ZC2HC1A: variants seen among roughly 807,000 people sequenced by gnomAD.
The protein encoded by ZC2HC1A is zinc finger C2HC domain-containing protein 1A.
ZC2HC1A carries 28 observed loss-of-function variants against 40.7 expected under a neutral mutation model. The ratio of observed to expected loss-of-function variants is 0.69; its 90% CI spans 0.51 to 0.94. The LOEUF (loss-of-function observed/expected upper bound fraction) is 0.94. Among genes scored for constraint, ZC2HC1A ranks in the 40% least tolerant of loss-of-function variants. The pLI, the probability that ZC2HC1A is intolerant of heterozygous loss-of-function variation, is 0.00. For missense variants in ZC2HC1A, 389 were observed against 386.3 expected, an observed-to-expected ratio of 1.01 and a Z score of -0.06; for synonymous variants, 129 against 129.2, an observed-to-expected ratio of 1.00 and a Z score of 0.01.
intron 7 of ZC2HC1A, among the ~76,000 whole-genome samples, chr8:78,703,595 G>A (rs1381706355): frequency 1.4e-5 from 2 of 147,280 alleles, no homozygotes; most frequent in Non-Finnish European, 1.5e-5. Flanking sequence ...GAAATTAGGA[G>A]TACAACCCCT....
At chr8:78,683,449 C>T (rs1452466850) in intron 3 of ZC2HC1A, among the ~76,000 whole-genome samples, 1 of 152,224 alleles carries the variant, frequency 6.6e-6, no homozygotes, top group African/African-American at 2.4e-5. Flanking sequence ...TTTGGGCTTG[C>T]ACCTCTGAAG....
chr8:78,690,194 A>G (rs1182860580), intron 5 of ZC2HC1A, among the ~76,000 whole-genome samples: 5 of 152,002 alleles, frequency 3.3e-5, no homozygotes, highest in Non-Finnish European at 5.9e-5. Context: ...CATTATCACT[A>G]TACTGAATAG....
chr8:78,704,156 C>T (rs964104050), intron 7 of ZC2HC1A, among the ~76,000 whole-genome samples: 16 of 151,858 alleles, frequency 1.1e-4, no homozygotes, highest in Admixed American at 3.3e-4. Flanking sequence ...CCGAGGCGAG[C>T]GGATCACCTG....
chr8:78,684,479 C>T (rs1809893422), intron 3 of ZC2HC1A, among the ~76,000 whole-genome samples: 1 of 152,100 alleles, frequency 6.6e-6, no homozygotes, highest in South Asian at 2.1e-4. Context: ...CCGAGTACCC[C>T]CATAACAGGT....
chr8:78,696,607 C>T (rs1339565767), intron 5 of ZC2HC1A, among the ~76,000 whole-genome samples: 2 of 152,078 alleles, frequency 1.3e-5, no homozygotes, highest in Non-Finnish European at 2.9e-5. Flanking sequence ...AAAGATGTCT[C>T]TTTAGAGGAG....
chr8:78,671,716 AAGG>A (rs941303101), intron 1 of ZC2HC1A, among the ~76,000 whole-genome samples: 16 of 152,246 alleles, frequency 1.1e-4, no homozygotes, highest in Admixed American at 7.8e-4. Context: ...CTTCTCTAAC[AAGG>A]AGTTCTTTGC....
intron 1 of ZC2HC1A, among the ~76,000 whole-genome samples, chr8:78,672,023 T>C (rs1161557511): frequency 6.6e-6 from 1 of 152,134 alleles, no homozygotes; most frequent in Non-Finnish European, 1.5e-5. Flanking sequence ...CTTAGAGAGC[T>C]TAAGTATCTT....
At chr8:78,687,015 A>G (rs1810003193) in intron 4 of ZC2HC1A, among the ~76,000 whole-genome samples, 1 of 152,120 alleles carries the variant, frequency 6.6e-6, no homozygotes, top group African/African-American at 2.4e-5. Context: ...AAAAAATCAT[A>G]ATTTTCCTAA....
chr8:78,698,042 G>C lies in ZC2HC1A; in HGVS notation c.605-372G>C, dbSNP rs1810487766. On this transcript the variant is annotated intron_variant, in intron 6 of 8. Transcript: ENST00000263849. ...CCAGATGTTGTTATTGATGTCATCT[G>C]TTCAGAATAGTCAGCCCAGTACTTC... 2.0e-5 allele frequency among the ~76,000 whole-genome samples: 3 copies of C among 152,184 alleles called. No homozygotes were observed. The South Asian group carries it at 6.2e-4, about 32-fold the overall frequency.
Position 78,719,599 on chromosome 8 carries a change from T to C in ZC2HC1A, c.*2106T>C, listed in dbSNP as rs1811200930. Reference sequence around the variant, plus strand: ...ACAGTATGGTAGAATAAAAGATGATTGTAAGATTAAAAATGTAAAAATTGC... The same window carrying C: ...ACAGTATGGTAGAATAAAAGATGATCGTAAGATTAAAAATGTAAAAATTGC... On this transcript the variant is annotated 3_prime_UTR_variant, in exon 9 of 9. Transcript: ENST00000263849. 2 of 151,802 alleles carry C rather than the reference T, an allele frequency of 1.3e-5. No individual in the cohort carries two copies. The highest frequency in any genetic ancestry group is 1.3e-4 in the Admixed American group (2 of 15,256). The allele number at this position is 151,802 out of a possible 1,614,324, so 9.4% of individuals were successfully genotyped here. A position where few individuals can be genotyped will look rare whatever the true frequency, so the allele number is the denominator to read the frequency against.
At chr8:78,700,687 G>A (rs1292450258) in intron 7 of ZC2HC1A, among the ~76,000 whole-genome samples, 1 of 152,098 alleles carries the variant, frequency 6.6e-6, no homozygotes, top group East Asian at 1.9e-4. Context: ...TGTATATGGT[G>A]GAAGGAAGGG....
At chr8:78,696,227 G>A in intron 5 of ZC2HC1A, among the ~76,000 whole-genome samples, 1 of 151,992 alleles carries the variant, frequency 6.6e-6, no homozygotes, top group Non-Finnish European at 1.5e-5. Flanking sequence ...GTAGAGACGG[G>A]GTTTCACTGT....
intron 4 of ZC2HC1A, among the ~76,000 whole-genome samples, chr8:78,687,805 C>T (rs1810061795): frequency 1.1e-4 from 14 of 131,070 alleles, no homozygotes; most frequent in African/African-American, 2.8e-4. Flanking sequence ...TATATATATT[C>T]ATGTAATAAA....
chr8:78,713,184 G>T (rs1332511642), intron 7 of ZC2HC1A, among the ~76,000 whole-genome samples: 1 of 152,092 alleles, frequency 6.6e-6, no homozygotes, highest in Non-Finnish European at 1.5e-5. Context: ...CAGAGTAAGA[G>T]TAATGCTTTG....
intron 3 of ZC2HC1A, 106 bp from the exon 4 acceptor site, chr8:78,686,361 A>C (rs981568536): frequency 4.0e-6 from 4 of 989,598 alleles, no homozygotes; most frequent in Non-Finnish European, 4.0e-6. Context: ...AGGACTCCTG[A>C]TAAGAGAACA....
chr8:78,705,641 G>T (rs1810748802), intron 7 of ZC2HC1A, among the ~76,000 whole-genome samples: 1 of 152,044 alleles, frequency 6.6e-6, no homozygotes, highest in South Asian at 2.1e-4. Flanking sequence ...CCACCTCTGG[G>T]TCGGCATGGG....
At chr8:78,682,657 A>G (rs1192860633) in intron 3 of ZC2HC1A, among the ~76,000 whole-genome samples, 1 of 152,162 alleles carries the variant, frequency 6.6e-6, no homozygotes, top group Non-Finnish European at 1.5e-5. Context: ...AAACCATATC[A>G]TTCTGTCCCT....
At chr8:78,704,142 G>A (rs1810693737) in intron 7 of ZC2HC1A, among the ~76,000 whole-genome samples, 2 of 152,144 alleles carry the variant, frequency 1.3e-5, no homozygotes, top group Non-Finnish European at 2.9e-5. Context: ...AGCACTTTGG[G>A]AGACCGAGGC....
In ZC2HC1A at chr8:78,686,579, C is replaced by T. The variant is rs1809981975; in HGVS notation, c.323C>T (p.Pro108Leu). The T allele has an allele frequency of 1.3e-6, 2 of 1,518,336 alleles. No homozygotes were observed. The highest frequency in any genetic ancestry group is 1.4e-5 in the South Asian group (1 of 72,106). The allele number at this position is 1,518,336 out of a possible 1,614,324, so 94.1% of individuals were successfully genotyped here. A position where few individuals can be genotyped will look rare whatever the true frequency, so the allele number is the denominator to read the frequency against. Residue 108 changes from proline (P) to leucine (L), a missense_variant, in exon 4 of 9, where the codon CCT (proline) becomes CTT (leucine). Physicochemically the swap from Pro to Leu is moderately conservative, Grantham distance 98. Transcript: ENST00000263849. ...GCCCTCAAAGAGGGTGGCAAACTTCCTCCTCCTCCTCCACCTTCTTATGAT... is the reference window on the plus strand; with the variant it reads ...GCCCTCAAAGAGGGTGGCAAACTTCTTCCTCCTCCTCCACCTTCTTATGAT... ...DQALKEGGKL[P>L]PPPPPSYDPD...
Sources: allele counts gnomAD v4.1 joint callset (sites outside exome capture counted in the v4.1 genomes callset), GRCh38; gene constraint gnomAD v4.1.1; transcripts MANE v1.5; gene names NCBI Gene and HGNC (gene_info 2026-07-23, HGNC 2026-07-21).